Variants in PCDH15 observed in about 807,000 individuals in gnomAD.
PCDH15 encodes the protein protocadherin-15.
PCDH15 carries 129 observed loss-of-function variants against 178.5 expected under a neutral mutation model. The ratio of observed to expected loss-of-function variants is 0.72; its 90% CI spans 0.63 to 0.84. The LOEUF (loss-of-function observed/expected upper bound fraction) is 0.84, where lower values mean the gene tolerates loss of function less well. Among genes scored for constraint, PCDH15 ranks in the 40% least tolerant of loss-of-function variants. The pLI is 0.00. For synonymous variants in PCDH15, 800 were observed against 732.0 expected (o/e 1.09, Z -1.50); for missense variants, 2,230 against 2,099.9 (o/e 1.06, Z -1.21).
At chr10:54,210,379 T>C (rs1045116469) in intron 10 of PCDH15, among the ~76,000 whole-genome samples, 4 of 152,086 alleles carry the variant, frequency 2.6e-5, no homozygotes, top group Admixed American at 2.6e-4. Context: ...GCAGCTTCTA[T>C]GTGCTGTATA....
At chr10:54,475,664 T>C (rs1301832499) in intron 3 of PCDH15, among the ~76,000 whole-genome samples, 1 of 151,890 alleles carries the variant, frequency 6.6e-6, no homozygotes, top group African/African-American at 2.4e-5. Flanking sequence ...GAAATAAAAA[T>C]CAGTGTCATT....
chr10:54,229,081 C>T (rs949924041), intron 9 of PCDH15, among the ~76,000 whole-genome samples: 3 of 152,018 alleles, frequency 2.0e-5, no homozygotes, highest in African/African-American at 7.2e-5. Context: ...TGCAAATAAA[C>T]CTGAGATTAA....
chr10:54,165,579 A>C (rs2046141531), intron 13 of PCDH15, among the ~76,000 whole-genome samples: 1 of 152,184 alleles, frequency 6.6e-6, no homozygotes, highest in Non-Finnish European at 1.5e-5. Context: ...CTGGAACCTT[A>C]AGTGCTCTAA....
intron 17 of PCDH15, among the ~76,000 whole-genome samples, chr10:54,074,712 G>T (rs1405926806): frequency 6.6e-6 from 1 of 152,064 alleles, no homozygotes; most frequent in Non-Finnish European, 1.5e-5. Flanking sequence ...ATATATAAAT[G>T]AAAGTGTGAT....
intron 3 of PCDH15, among the ~76,000 whole-genome samples, chr10:54,433,536 G>C (rs929507676): frequency 6.6e-6 from 1 of 152,136 alleles, no homozygotes; most frequent in Non-Finnish European, 1.5e-5. Flanking sequence ...CAGAGATAGA[G>C]AGTAGAAGCC....
chr10:54,930,180 C>A (rs1025497462), intron 2 of PCDH15, among the ~76,000 whole-genome samples: 2 of 152,078 alleles, frequency 1.3e-5, no homozygotes, highest in African/African-American at 4.8e-5. Context: ...TGGAGCCAAC[C>A]AAGTAAAAAA....
At chr10:53,852,273 C>T (rs1410610016) in intron 28 of PCDH15, among the ~76,000 whole-genome samples, 4 of 151,742 alleles carry the variant, frequency 2.6e-5, no homozygotes, top group Non-Finnish European at 4.4e-5. Flanking sequence ...TCTCCTATAC[C>T]TTAATTTAAA....
At chr10:54,804,291 G>A (rs570522709), upstream of PCDH15, among the ~76,000 whole-genome samples, 2 of 152,022 alleles carry the variant, frequency 1.3e-5, no homozygotes, top group East Asian at 1.9e-4. Context: ...CTCCCGCCTC[G>A]GCCTCCCAAA....
At chr10:55,522,668 T>C (rs1841208827) in intron 2 of PCDH15, among the ~76,000 whole-genome samples, 1 of 151,770 alleles carries the variant, frequency 6.6e-6, no homozygotes, top group Non-Finnish European at 1.5e-5. Context: ...TTGCATAAAA[T>C]AACATTGCTA....
At chr10:55,530,124 T>C (rs1565228196) in intron 2 of PCDH15, among the ~76,000 whole-genome samples, 1 of 151,940 alleles carries the variant, frequency 6.6e-6, no homozygotes, top group Non-Finnish European at 1.5e-5. Flanking sequence ...ATGACATATT[T>C]TTAAGTTCAT....
At chr10:53,867,955 C>T (rs1249895334) in intron 26 of PCDH15, among the ~76,000 whole-genome samples, 1 of 151,902 alleles carries the variant, frequency 6.6e-6, no homozygotes, top group Non-Finnish European at 1.5e-5. Context: ...AAGTTTCCTA[C>T]CATTTAGAAT....
At chr10:55,296,090 A>C (rs1490729923) in intron 1 of PCDH15, among the ~76,000 whole-genome samples, 2 of 152,180 alleles carry the variant, frequency 1.3e-5, no homozygotes, top group Non-Finnish European at 2.9e-5. Flanking sequence ...CAACTCAGAA[A>C]AAAATGAAAA....
intron 2 of PCDH15, among the ~76,000 whole-genome samples, chr10:55,530,089 C>G (rs1390245687): frequency 6.6e-6 from 1 of 151,638 alleles, no homozygotes; most frequent in Non-Finnish European, 1.5e-5. Flanking sequence ...AATCTAATGT[C>G]TTATTTCACT....
intron 2 of PCDH15, among the ~76,000 whole-genome samples, chr10:55,125,551 T>C (rs182638286): frequency 1.3e-4 from 20 of 152,072 alleles, no homozygotes; most frequent in African/African-American, 4.8e-4. Flanking sequence ...GATTACAGAA[T>C]GTATCCGGAG....
At chr10:54,412,211 ATATCT>A (rs1437900206) in intron 3 of PCDH15, among the ~76,000 whole-genome samples, 2 of 150,538 alleles carry the variant, frequency 1.3e-5, no homozygotes, top group African/African-American at 4.9e-5. Context: ...TAAAAAATAA[ATATCT>A]TATTTAAAAA....
At chr10:55,437,166 C>T (rs1441178261) in intron 2 of PCDH15, among the ~76,000 whole-genome samples, 3 of 152,058 alleles carry the variant, frequency 2.0e-5, no homozygotes, top group African/African-American at 7.2e-5. Context: ...AATCAAATAC[C>T]ATCACTCTTA....
At chr10:53,825,292 A>G (rs1452515503) in intron 32 of PCDH15, among the ~76,000 whole-genome samples, 2 of 151,990 alleles carry the variant, frequency 1.3e-5, no homozygotes. Flanking sequence ...ATGTTTTTAT[A>G]TTTTGTTATT....
At chr10:54,258,954 G>A (rs2057115314) in intron 8 of PCDH15, among the ~76,000 whole-genome samples, 1 of 152,010 alleles carries the variant, frequency 6.6e-6, no homozygotes, top group Admixed American at 6.6e-5. Flanking sequence ...TTTTCAATAT[G>A]AGCAAATAAG....
intron 2 of PCDH15, among the ~76,000 whole-genome samples, chr10:54,538,094 G>C (rs1017691069): frequency 6.6e-6 from 1 of 152,140 alleles, no homozygotes; most frequent in South Asian, 2.1e-4. Flanking sequence ...AGTCTTTTCT[G>C]TCGGGCAGAA....
Sources: allele counts gnomAD v4.1 joint callset (sites outside exome capture counted in the v4.1 genomes callset), GRCh38; gene constraint gnomAD v4.1.1; transcripts MANE v1.5; gene names NCBI Gene and HGNC (gene_info 2026-07-23, HGNC 2026-07-21).